MID1: variants seen among roughly 807,000 people sequenced by gnomAD.
MID1 encodes the protein midline 1.
Under a neutral mutation model 40.4 loss-of-function variants are expected in MID1, and 7 were observed. That is an observed-to-expected ratio of 0.17 (90% confidence interval 0.10 to 0.33). MID1 has a LOEUF of 0.33. Ranked by LOEUF, MID1 falls within the 10% of genes least tolerant of loss-of-function variation. The probability of loss-of-function intolerance (pLI) is 1.00; values close to 1 mark genes in which losing one functional copy is unlikely to be tolerated. For missense variants in MID1, 367 were observed against 558.5 expected, an observed-to-expected ratio of 0.66 and a Z score of 3.46; for synonymous variants, 229 against 221.2, an observed-to-expected ratio of 1.04 and a Z score of -0.31.
rs180832288 is a variant in MID1 at position 10,804,959 on chromosome X, T to C, written c.-187+28595A>G. Among the ~76,000 whole-genome samples, 96 of 111,452 alleles carry C rather than the reference T, an allele frequency of 8.6e-4. 1 individual carries two copies. Among genetic ancestry groups the C allele is most frequent in the Admixed American group, 5.2e-3 (54 of 10,457 alleles). ...AGCACTAAGTAAATTTTTTCTAATC[T>C]TCACCATGAGAACCTTGTGGGGGGA... On this transcript the variant is annotated intron_variant, in intron 1 of 10. Transcript: ENST00000380785.
chrX:10,729,817 G>A (rs1385438737), intron 1 of MID1, among the ~76,000 whole-genome samples: 2 of 111,918 alleles, frequency 1.8e-5, no homozygotes, highest in Admixed American at 9.5e-5. Context: ...GGGGGCGGTG[G>A]CTCACGCCTG....
At chrX:10,781,892 C>T (rs952954221) in intron 1 of MID1, among the ~76,000 whole-genome samples, 4 of 112,421 alleles carry the variant, frequency 3.6e-5, no homozygotes, top group African/African-American at 1.3e-4. Flanking sequence ...TTTCCTAATA[C>T]AGTACATTGG....
chrX:10,816,377 T>C (rs777432468), intron 1 of MID1, among the ~76,000 whole-genome samples: 3 of 112,402 alleles, frequency 2.7e-5, no homozygotes, highest in East Asian at 5.6e-4. Context: ...ACTTAGCACC[T>C]ATTTAAAATT....
chrX:10,833,064 T>C (rs1026800652), intron 1 of MID1, among the ~76,000 whole-genome samples: 1 of 112,826 alleles, frequency 8.9e-6, no homozygotes, highest in Non-Finnish European at 1.9e-5. Context: ...GTGTCCTTTA[T>C]TACATATGCA....
chrX:10,526,717 A>G (rs1254977415), intron 2 of MID1, among the ~76,000 whole-genome samples: 1 of 112,046 alleles, frequency 8.9e-6, no homozygotes, highest in Admixed American at 9.5e-5. Flanking sequence ...ATCAACTAAT[A>G]CATAGACTAA....
At chrX:10,507,142 C>T (rs143673090) in intron 3 of MID1, among the ~76,000 whole-genome samples, 214 of 110,881 alleles carry the variant, frequency 1.9e-3, no homozygotes, top group African/African-American at 6.9e-3. Context: ...CCCTCTCTCT[C>T]CCTACCCCCT....
intron 1 of MID1, among the ~76,000 whole-genome samples, chrX:10,806,024 C>T: frequency 9.4e-6 from 1 of 106,045 alleles, no homozygotes; most frequent in Non-Finnish European, 1.9e-5. Flanking sequence ...TTGTAGGTTG[C>T]CTGTTCACTC....
intron 1 of MID1, among the ~76,000 whole-genome samples, chrX:10,759,673 G>A (rs995134945): frequency 1.8e-5 from 2 of 109,722 alleles, no homozygotes; most frequent in African/African-American, 6.7e-5. Context: ...TTGTTTCTTA[G>A]CCACCTCTGT....
At chrX:10,511,245 C>CA (rs769971922) in intron 3 of MID1, among the ~76,000 whole-genome samples, 2,598 of 52,660 alleles carry the variant, frequency 0.049, 108 homozygotes, top group African/African-American at 0.15. Context: ...GACTCCATCT[C>CA]AAAAAAAAAA....
chrX:10,590,667 G>A (rs771054816), intron 1 of MID1, among the ~76,000 whole-genome samples: 147 of 112,300 alleles, frequency 1.3e-3, no homozygotes, highest in African/African-American at 4.6e-3. Context: ...AGCTTCTAAT[G>A]GCTTTTAAAA....
intron 1 of MID1, among the ~76,000 whole-genome samples, chrX:10,608,045 C>T (rs1935658268): frequency 8.9e-6 from 1 of 112,311 alleles, no homozygotes; most frequent in African/African-American, 3.2e-5. Context: ...AAAACCAATA[C>T]AAATGAGACA....
intron 1 of MID1, among the ~76,000 whole-genome samples, chrX:10,828,904 A>G (rs1308297163): frequency 1.8e-5 from 2 of 112,206 alleles, no homozygotes; most frequent in Non-Finnish European, 3.8e-5. Flanking sequence ...CATTTTCAAT[A>G]CTCATAACCG....
chrX:10,662,640 C>T lies in MID1; in HGVS notation c.-186-42221G>A, dbSNP rs596449. Among the ~76,000 whole-genome samples, 113 of 111,353 alleles carry T rather than the reference C, an allele frequency of 1.0e-3. 3 individuals are homozygous for T. In the East Asian group the frequency reaches 0.019, roughly 19 times the overall value. ...TTAACATATTCAATATACATAGGTT[C>T]GATATTTATAATATATACTGCTGAT... On this transcript the variant is annotated intron_variant, in intron 1 of 10. Coordinates refer to the MID1 transcript ENST00000380785.
intron 1 of MID1, among the ~76,000 whole-genome samples, chrX:10,577,807 G>A (rs1042991477): frequency 9.3e-6 from 1 of 107,354 alleles, no homozygotes; most frequent in Non-Finnish European, 1.9e-5. Context: ...AAGGAGGAAG[G>A]GGAAGTAGTC....
At chrX:10,470,793 T>C (rs992731192) in intron 6 of MID1, among the ~76,000 whole-genome samples, 1 of 112,348 alleles carries the variant, frequency 8.9e-6, no homozygotes, top group Non-Finnish European at 1.9e-5. Flanking sequence ...TTCTACTGAA[T>C]TGATTTCAGT....
intron 1 of MID1, among the ~76,000 whole-genome samples, chrX:10,725,600 T>C (rs1165871592): frequency 8.9e-6 from 1 of 112,179 alleles, no homozygotes; most frequent in Non-Finnish European, 1.9e-5. Context: ...GGCTCACGCC[T>C]GTAATCCCAG....
chrX:10,592,183 G>A (rs1489412256), intron 1 of MID1, among the ~76,000 whole-genome samples: 2 of 99,814 alleles, frequency 2.0e-5, no homozygotes, highest in Non-Finnish European at 4.0e-5. Context: ...ATGTGTGTGT[G>A]TCCATTAAAA....
intron 1 of MID1, among the ~76,000 whole-genome samples, chrX:10,695,648 A>G (rs2043158334): frequency 8.9e-6 from 1 of 111,981 alleles, no homozygotes; most frequent in African/African-American, 3.2e-5. Context: ...GGCCTTGTCA[A>G]TTAAACTCTT....
intron 1 of MID1, among the ~76,000 whole-genome samples, chrX:10,698,053 C>T (rs1478170840): frequency 2.7e-5 from 3 of 112,467 alleles, no homozygotes; most frequent in African/African-American, 9.7e-5. Flanking sequence ...ATTTCTTATT[C>T]CTCAGTGCTA....
Sources: allele counts gnomAD v4.1 joint callset (sites outside exome capture counted in the v4.1 genomes callset), GRCh38; gene constraint gnomAD v4.1.1; transcripts MANE v1.5; gene names NCBI Gene and HGNC (gene_info 2026-07-23, HGNC 2026-07-21).